The following EXOC4 variants were observed in gnomAD, a reference collection of about 807,000 sequenced individuals.
EXOC4 encodes the protein exocyst complex component 4.
In EXOC4, 71 loss-of-function variants were observed where a neutral mutation model predicts 107.2. That is an observed-to-expected ratio of 0.66 (90% CI 0.55 to 0.81). The LOEUF is 0.81. EXOC4 is among the 30% of genes least tolerant of loss of function. The pLI, the probability that EXOC4 is intolerant of heterozygous loss-of-function variation, is 0.00. For synonymous variants in EXOC4, 456 were observed against 441.2 expected (o/e 1.03, Z -0.42); for missense variants, 1,108 against 1,189.6 (o/e 0.93, Z 1.01).
At chr7:133,867,969 T>C (rs1395645639) in intron 11 of EXOC4, among the ~76,000 whole-genome samples, 2 of 152,264 alleles carry the variant, frequency 1.3e-5, no homozygotes, top group Non-Finnish European at 2.9e-5. Flanking sequence ...TGAGGTTATT[T>C]CATTAATGTG....
At position 133,823,895 on chromosome 7, in the gene EXOC4, T is replaced by TTATA. The variant is rs1157364204; in HGVS notation, c.1734+6364_1734+6367dup. The stretch of plus-strand genomic sequence containing the variant: ...TATTATATATATATATATATATATT[T>TTATA]TATATATATATATATAAATATATAT... On this transcript the variant is annotated intron_variant, in intron 11 of 17. Coordinates refer to ENST00000253861, the MANE Select transcript of EXOC4 (RefSeq NM_021807.4). Among the ~76,000 whole-genome samples the TTATA allele has an allele frequency of 1.7e-4, 3 of 17,874 alleles. No homozygotes were observed. The African/African-American group carries it at 2.2e-3, about 13-fold the overall frequency. 11.7% of individuals were successfully genotyped at this position (17,874 alleles called of 152,430 possible). A position where few individuals can be genotyped will look rare whatever the true frequency, so the allele number is the denominator to read the frequency against.
In EXOC4 at chr7:133,279,448, T is replaced by C. The variant is rs568558729; in HGVS notation, c.276+4277T>C. Among the ~76,000 whole-genome samples the C allele has an allele frequency of 1.4e-4, 21 of 152,330 alleles. No individual in the cohort carries two copies. The South Asian group carries it at 2.7e-3, about 20-fold the overall frequency. On this transcript the variant is annotated intron_variant, in intron 2 of 17. Coordinates refer to ENST00000253861, the MANE Select transcript of EXOC4 (RefSeq NM_021807.4). Reference sequence around the variant, plus strand: ...GCTGCTGTGCTGGGAATAGATTTCATTGGAGACCAAGGCAGATGAAGATGT... The same window carrying C: ...GCTGCTGTGCTGGGAATAGATTTCACTGGAGACCAAGGCAGATGAAGATGT...
chr7:133,698,465 C>G (rs1022041011), intron 10 of EXOC4, among the ~76,000 whole-genome samples: 1 of 151,680 alleles, frequency 6.6e-6, no homozygotes, highest in African/African-American at 2.4e-5. Context: ...GCCTTTAGTC[C>G]CAGCTACTTG....
intron 10 of EXOC4, among the ~76,000 whole-genome samples, chr7:133,812,007 T>G (rs1490378694): frequency 6.6e-6 from 1 of 152,190 alleles, no homozygotes; most frequent in African/African-American, 2.4e-5. Context: ...GTTAGCAATT[T>G]ACACTTTGCG....
rs899462505 is a variant in EXOC4, at chr7:133,353,408, A to C, written c.764-2922A>C. The stretch of plus-strand genomic sequence containing the variant: ...TGAAGGACAGTTTTGTGTGATACAG[A>C]ATTCTTGGTTGACAGTTTTTTTATT... On this transcript the variant is annotated intron_variant, in intron 5 of 17. Transcript: ENST00000253861. Among the ~76,000 whole-genome samples the C allele has an allele frequency of 3.9e-5, 6 of 152,054 alleles. 1 individual carries two copies. Among genetic ancestry groups the C allele is most frequent in the African/African-American group, 1.4e-4 (6 of 41,426 alleles).
intron 14 of EXOC4, among the ~76,000 whole-genome samples, chr7:133,952,981 C>T (rs192663435): frequency 1.5e-3 from 221 of 152,208 alleles, no homozygotes; most frequent in Non-Finnish European, 2.7e-3. Context: ...TGTTCAAGTC[C>T]TGGTTTTCAG....
chr7:133,447,531 C>A (rs1798246699), intron 7 of EXOC4, among the ~76,000 whole-genome samples: 1 of 151,950 alleles, frequency 6.6e-6, no homozygotes, highest in Admixed American at 6.6e-5. Flanking sequence ...TTTCCTTCTT[C>A]AAATTTTGCT....
At chr7:133,683,440 T>G (rs571706165) in intron 10 of EXOC4, among the ~76,000 whole-genome samples, 1 of 152,190 alleles carries the variant, frequency 6.6e-6, no homozygotes. Flanking sequence ...TATATTAAAC[T>G]GTCAAGACAC....
intron 17 of EXOC4, among the ~76,000 whole-genome samples, chr7:134,021,035 C>T (rs1245406116): frequency 1.3e-5 from 2 of 151,948 alleles, no homozygotes; most frequent in Non-Finnish European, 2.9e-5. Flanking sequence ...TATAGGGTCT[C>T]TTGCAGATTG....
At chr7:133,871,651 C>G (rs1798754574) in intron 11 of EXOC4, among the ~76,000 whole-genome samples, 1 of 152,156 alleles carries the variant, frequency 6.6e-6, no homozygotes, top group Non-Finnish European at 1.5e-5. Context: ...GTTTCCACTT[C>G]CCATCCTCTT....
At chr7:133,311,204 G>A (rs374886561) in intron 4 of EXOC4, among the ~76,000 whole-genome samples, 5 of 152,206 alleles carry the variant, frequency 3.3e-5, no homozygotes, top group East Asian at 3.9e-4. Flanking sequence ...GAATACATGC[G>A]TAAGAATTGT....
At chr7:134,027,983 C>T (rs141695570) in intron 17 of EXOC4, among the ~76,000 whole-genome samples, 10 of 152,308 alleles carry the variant, frequency 6.6e-5, no homozygotes, top group African/African-American at 2.4e-4. Context: ...TCTCAACACC[C>T]CTTACAGACT....
Position 134,064,304 on chromosome 7 carries a change from A to T in EXOC4, c.2701A>T (p.Met901Leu). 6.8e-7 allele frequency: 1 copy of T among 1,462,088 alleles called. No homozygotes were observed. The highest frequency in any genetic ancestry group is 9.1e-7 in the Non-Finnish European group (1 of 1,097,500). 90.6% of individuals were successfully genotyped at this position (1,462,088 alleles called of 1,614,324 possible). Residue 901 changes from methionine (M) to leucine (L), a missense_variant, in exon 18 of 18, where the codon ATG (methionine) becomes TTG (leucine). Met to Leu is a conservative substitution (Grantham distance 15, BLOSUM62 2). Transcript: ENST00000253861. ...DLDFARQYYE[M>L]LYNTADELLN... ...TTGCTTTCTCAGGCAGTACTACGAGATGCTTTACAACACAGCTGACGAGCT... is the reference window on the plus strand; with the variant it reads ...TTGCTTTCTCAGGCAGTACTACGAGTTGCTTTACAACACAGCTGACGAGCT...
At chr7:133,763,319 C>T (rs902766525) in intron 10 of EXOC4, among the ~76,000 whole-genome samples, 1 of 152,086 alleles carries the variant, frequency 6.6e-6, no homozygotes, top group African/African-American at 2.4e-5. Context: ...CAGGCTGTAA[C>T]AAATTAAAAT....
chr7:133,621,350 A>G (rs1227428195), intron 9 of EXOC4, among the ~76,000 whole-genome samples: 1 of 152,096 alleles, frequency 6.6e-6, no homozygotes, highest in Non-Finnish European at 1.5e-5. Flanking sequence ...TTTAGGAGCT[A>G]GAATGTACTC....
chr7:133,464,803 TTGGG>T (rs148974274), intron 7 of EXOC4, among the ~76,000 whole-genome samples: 643 of 54,952 alleles, frequency 0.012, 35 homozygotes, highest in African/African-American at 0.042. Flanking sequence ...TTTTTGTTGG[TTGGG>T]TTGGTTTTTT....
intron 10 of EXOC4, among the ~76,000 whole-genome samples, chr7:133,781,640 G>A (rs909811922): frequency 6.6e-5 from 10 of 152,214 alleles, no homozygotes; most frequent in African/African-American, 1.7e-4. Context: ...AGCTGCCCAC[G>A]TACTTAAAGC....
At chr7:133,459,026 T>A (rs1798528707) in intron 7 of EXOC4, among the ~76,000 whole-genome samples, 2 of 152,220 alleles carry the variant, frequency 1.3e-5, no homozygotes, top group Admixed American at 1.3e-4. Flanking sequence ...TTTTTGGAGT[T>A]TGTTATTAAG....
intron 7 of EXOC4, among the ~76,000 whole-genome samples, chr7:133,388,283 C>A (rs890638174): frequency 6.6e-6 from 1 of 152,086 alleles, no homozygotes; most frequent in Non-Finnish European, 1.5e-5. Flanking sequence ...TTGAAACAAT[C>A]CTAGAAATCA....
Sources: gnomAD v4.1 joint callset for allele counts (sites outside exome capture counted in the v4.1 genomes callset) on GRCh38, gnomAD v4.1.1 for gene constraint, MANE v1.5 for transcripts, NCBI Gene and HGNC (gene_info 2026-07-23, HGNC 2026-07-21) for gene names.